CD47: variants seen among roughly 807,000 people sequenced by gnomAD.
The protein encoded by CD47 is leukocyte surface antigen CD47.
A neutral mutation model predicts 44.6 loss-of-function variants in CD47; 11 were observed. The observed-to-expected ratio is 0.25, with a 90% CI of 0.16 to 0.41. CD47 has a LOEUF of 0.41. Ranked by LOEUF, CD47 falls within the 10% of genes least tolerant of loss-of-function variation. The pLI is 1.00. For synonymous variants in CD47, 140 were observed against 136.3 expected (o/e 1.03, Z -0.19); for missense variants, 306 against 386.7 (o/e 0.79, Z 1.75).
chr3:108,063,346 C>T (rs1025086904), intron 3 of CD47, among the ~76,000 whole-genome samples: 1 of 152,150 alleles, frequency 6.6e-6, no homozygotes, highest in Non-Finnish European at 1.5e-5. Context: ...TCTGTGGGGT[C>T]TACTAATGAA....
intron 7 of CD47, chr3:108,054,867 A>G (rs2078887526): frequency 6.6e-6 from 1 of 152,230 alleles, no homozygotes. Context: ...TCAAAACACT[A>G]TATGCCCTTA....
Position 108,049,698 on chromosome 3 carries a change from T to C in CD47, c.935-47A>G, listed in dbSNP as rs759278396. On this transcript the variant is annotated intron_variant, in intron 9 of 10. Transcript: ENST00000361309. ...GCAGGCAGTTAGTGAGGTTCCACAA[T>C]TGGAAATCATTTCTAAATAAACAAA... 1.9e-4 allele frequency: 269 copies of C among 1,391,350 alleles called. 2 individuals carry two copies. In the East Asian group the frequency reaches 6.0e-3, roughly 31 times the overall value. The allele number at this position is 1,391,350 out of a possible 1,614,324, so 86.2% of individuals were successfully genotyped here.
chr3:108,083,390 T>G (rs2079454309), intron 1 of CD47, among the ~76,000 whole-genome samples: 1 of 152,076 alleles, frequency 6.6e-6, no homozygotes, highest in African/African-American at 2.4e-5. Flanking sequence ...AGCACACAAG[T>G]TCAGGTTAGA....
intron 2 of CD47, among the ~76,000 whole-genome samples, chr3:108,079,567 TAAAAAAAAAAAAAA>T (rs71629342): frequency 1.9e-5 from 1 of 53,102 alleles, no homozygotes; most frequent in African/African-American, 1.0e-4. Context: ...AGTGTAAGGT[TAAAAAAAAAAAAAA>T]AAAAAAAAAA....
chr3:108,051,601 T>G (rs577144313), intron 8 of CD47, among the ~76,000 whole-genome samples: 2 of 152,350 alleles, frequency 1.3e-5, no homozygotes, highest in African/African-American at 4.8e-5. Flanking sequence ...ATTCTGTGTA[T>G]GCACATCCAA....
rs72948538 is a variant in CD47, at chr3:108,085,549, A to G, written c.47-5205T>C. ...TACTAAAGCACAGTTGAGTTGTTCA[A>G]TCTTGTTCCCCTTCCCTACCATTAC... On this transcript the variant is annotated intron_variant, in intron 1 of 10. Transcript: ENST00000361309. Among the ~76,000 whole-genome samples, 286 of 152,216 alleles carry G rather than the reference A, an allele frequency of 1.9e-3. 2 individuals carry two copies. Among genetic ancestry groups the G allele is most frequent in the African/African-American group, 6.5e-3 (272 of 41,542 alleles).
intron 3 of CD47, among the ~76,000 whole-genome samples, chr3:108,069,663 TA>T (rs942291130): frequency 2.6e-5 from 4 of 152,152 alleles, no homozygotes; most frequent in African/African-American, 9.6e-5. Flanking sequence ...TTCATTTCAC[TA>T]AAAATAATGT....
chr3:108,076,404 AG>A (rs2079312013), intron 2 of CD47, among the ~76,000 whole-genome samples: 1 of 152,358 alleles, frequency 6.6e-6, no homozygotes, highest in East Asian at 1.9e-4. Flanking sequence ...TATTGCTAAT[AG>A]AACAGAAATA....
At position 108,045,249 on chromosome 3, in the gene CD47, A is replaced by T. The variant is rs1264550911; in HGVS notation, c.*2039T>A. 2 of 152,658 alleles carry T rather than the reference A, an allele frequency of 1.3e-5. No homozygotes were observed. The highest frequency in any genetic ancestry group is 3.9e-4 in the East Asian group (2 of 5,194). 9.5% of individuals were successfully genotyped at this position (152,658 alleles called of 1,614,324 possible). On this transcript the variant is annotated 3_prime_UTR_variant, in exon 11 of 11. Transcript: ENST00000361309. ...GAGTTTACTACATATTAAAAGGTAC[A>T]ACTTTAGTTTATAAAAAATTTTACT...
chr3:108,052,228 C>T, intron 7 of CD47: 1 of 299,232 alleles, frequency 3.3e-6, no homozygotes, highest in South Asian at 3.5e-5. Context: ...TGCCATCTTT[C>T]CCCCAAATCA....
intron 7 of CD47, 141 bp from the exon 8 acceptor site, chr3:108,052,111 C>T (rs1023850094): frequency 1.3e-5 from 7 of 535,120 alleles, no homozygotes; most frequent in African/African-American, 1.1e-4. Context: ...CCAGCTCTGA[C>T]AGTCTATTCA....
At chr3:108,090,008 T>TG (rs1342293312) in intron 1 of CD47, among the ~76,000 whole-genome samples, 32 of 6,876 alleles carry the variant, frequency 4.7e-3, no homozygotes, top group African/African-American at 6.5e-3. Context: ...GGGGTGGGGG[T>TG]GGGGGGGTGG....
At chr3:108,082,554 A>G (rs1405038285) in intron 1 of CD47, among the ~76,000 whole-genome samples, 2 of 151,952 alleles carry the variant, frequency 1.3e-5, no homozygotes, top group Non-Finnish European at 2.9e-5. Flanking sequence ...AAAATCTTTG[A>G]CACATGTTCA....
chr3:108,060,753 A>G lies in CD47; in HGVS notation c.590T>C (p.Phe197Ser), dbSNP rs374191006. The change falls in exon 4 of 11, where the codon TTC (phenylalanine) becomes TCC (serine). Residue 197 changes from phenylalanine (F) to serine (S), a missense_variant. This residue lies in a region of CD47 where 65 missense variants were observed against 119.9 expected (regional missense o/e 0.54). Transcript: ENST00000361309. ...TVIVIVGAIL[F>S]VPGEYSLKNA... ...GGAACTGCACATCTTACCTGGGACGAAAAGAATGGCTCCAACAATGACAAT... is the reference window on the plus strand; with the variant it reads ...GGAACTGCACATCTTACCTGGGACGGAAAGAATGGCTCCAACAATGACAAT... 1.9e-5 allele frequency: 30 copies of G among 1,611,678 alleles called. No individual in the cohort carries two copies. The highest frequency in any genetic ancestry group is 2.3e-5 in the Non-Finnish European group (27 of 1,177,952).
chr3:108,079,692 A>G (rs1001535974), intron 2 of CD47, among the ~76,000 whole-genome samples: 1 of 151,768 alleles, frequency 6.6e-6, no homozygotes, highest in Non-Finnish European at 1.5e-5. Flanking sequence ...TGAAGAGTAC[A>G]TTACCCCAGG....
At position 108,071,275 on chromosome 3, in the gene CD47, TG is replaced by T. The variant is rs1165454859; in HGVS notation, c.401-94del. 2 of 589,476 alleles carry T rather than the reference TG, an allele frequency of 3.4e-6. 1 individual carries two copies. Among genetic ancestry groups the T allele is most frequent in the South Asian group, 5.1e-5 (2 of 39,128 alleles). The allele number at this position is 589,476 out of a possible 1,614,324, so 36.5% of individuals were successfully genotyped here. ...TATAATACATGCTTTATTATAGAGA[TG>T]GAAAAAAATTAAAACTGTGGCCTTA... On this transcript the variant is annotated intron_variant, in intron 2 of 10. Coordinates refer to ENST00000361309, the MANE Select transcript of CD47 (RefSeq NM_001777.4).
chr3:108,068,676 A>C (rs1268634094), intron 3 of CD47, among the ~76,000 whole-genome samples: 1 of 152,154 alleles, frequency 6.6e-6, no homozygotes, highest in Non-Finnish European at 1.5e-5. Flanking sequence ...TTATCTACAA[A>C]ACGGGAATAA....
intron 1 of CD47, among the ~76,000 whole-genome samples, chr3:108,088,324 A>C (rs1229223003): frequency 1.3e-5 from 2 of 152,214 alleles, no homozygotes; most frequent in Non-Finnish European, 2.9e-5. Context: ...TTGGCCTTTC[A>C]AATCTCCATG....
chr3:108,050,840 G>T, intron 8 of CD47: 1 of 474,796 alleles, frequency 2.1e-6, no homozygotes. Flanking sequence ...TTTCTAAACA[G>T]AATTTCCCAC....
Sources: gnomAD v4.1 joint callset for allele counts (sites outside exome capture counted in the v4.1 genomes callset) on GRCh38, gnomAD v4.1.1 for gene constraint, gnomAD v4.1.1 regional missense constraint, MANE v1.5 for transcripts, NCBI Gene and HGNC (gene_info 2026-07-23, HGNC 2026-07-21) for gene names.